Variants in NXN observed in about 807,000 individuals in gnomAD.
The protein encoded by NXN is nucleoredoxin 1.
NXN carries 16 observed loss-of-function variants against 48.6 expected under a neutral mutation model. The observed-to-expected ratio is 0.33, with a 90% CI of 0.22 to 0.50. The LOEUF is 0.50. Among genes scored for constraint, NXN ranks in the 20% least tolerant of loss-of-function variants. The pLI, the probability that NXN is intolerant of heterozygous loss-of-function variation, is 0.98. For synonymous variants in NXN, 281 were observed against 269.6 expected, an observed-to-expected ratio of 1.04 and a Z score of -0.41; for missense variants, 492 against 605.5, an observed-to-expected ratio of 0.81 and a Z score of 1.97.
intron 1 of NXN, among the ~76,000 whole-genome samples, chr17:916,973 C>A (rs1292018683): frequency 6.6e-6 from 1 of 152,206 alleles, no homozygotes; most frequent in African/African-American, 2.4e-5. Flanking sequence ...ATTTTCAAAC[C>A]ACCTTGAAGG....
At chr17:839,812 A>AAAAAAAAAAAAAAAAAAAAAAAAAAC in intron 1 of NXN, among the ~76,000 whole-genome samples, 1 of 143,110 alleles carries the variant, frequency 7.0e-6, no homozygotes, top group Non-Finnish European at 1.5e-5. Flanking sequence ...AAAAAAAAAA[A>AAAAAAAAAAAAAAAAAAAAAAAAAAC]AAGGCCAGGC....
chr17:926,884 A>C (rs2068805675), intron 1 of NXN, among the ~76,000 whole-genome samples: 1 of 152,158 alleles, frequency 6.6e-6, no homozygotes, highest in African/African-American at 2.4e-5. Flanking sequence ...GCTCTGGGTA[A>C]TGAAAGAGTC....
In NXN at chr17:822,459, T is replaced by C; in HGVS notation, c.613-2A>G. On this transcript the variant is annotated splice_acceptor_variant, in intron 3 of 7. Coordinates refer to ENST00000336868, the MANE Select transcript of NXN (RefSeq NM_022463.5). LOFTEE classifies it high-confidence loss of function. ...GGTGAGGCTTCGGCAGGGCGGACAC[T>C]GAAAGACAGGACAGCAAGACCCGCT... The C allele has an allele frequency of 6.2e-7, 1 of 1,611,946 alleles. No individual in the cohort carries two copies. The highest frequency in any genetic ancestry group is 8.5e-7 in the Non-Finnish European group (1 of 1,178,212).
rs927568702 is a variant in NXN at position 932,508 on chromosome 17, G to C, written c.360+46811C>G. ...TGAGGCGGCGTTGGGTCCAGTCGTCGTCTCCTCAGCGAGTAAGGCAGCTTC... is the reference window on the plus strand; with the variant it reads ...TGAGGCGGCGTTGGGTCCAGTCGTCCTCTCCTCAGCGAGTAAGGCAGCTTC... On this transcript the variant is annotated intron_variant, in intron 1 of 7. Transcript: ENST00000336868. This position sits in a 1 kb window ranked among gnomAD's most constrained non-coding sequence, Gnocchi z 4.1. 4.6e-5 allele frequency among the ~76,000 whole-genome samples: 7 copies of C among 152,198 alleles called. No individual in the cohort carries two copies. The highest frequency in any genetic ancestry group is 2.0e-4 in the Admixed American group (3 of 15,274).
intron 1 of NXN, among the ~76,000 whole-genome samples, chr17:945,561 G>A (rs990301928): frequency 4.7e-5 from 7 of 150,336 alleles, no homozygotes; most frequent in African/African-American, 1.5e-4. Flanking sequence ...AACCCGGGAG[G>A]CAGAGCTTGC....
At chr17:931,738 G>A (rs1326094407) in intron 1 of NXN, among the ~76,000 whole-genome samples, 2 of 150,880 alleles carry the variant, frequency 1.3e-5, no homozygotes, top group Non-Finnish European at 2.9e-5. Context: ...GGGAGGCTGA[G>A]GCAGGAGAAT....
At chr17:939,344 C>CTTT (rs34838555) in intron 1 of NXN, among the ~76,000 whole-genome samples, 3 of 127,958 alleles carry the variant, frequency 2.3e-5, no homozygotes, top group African/African-American at 8.8e-5. Context: ...TAGAAATCAG[C>CTTT]TTTTTTTTTT....
chr17:847,044 G>T (rs2067871037), intron 1 of NXN, among the ~76,000 whole-genome samples: 1 of 152,112 alleles, frequency 6.6e-6, no homozygotes, highest in Non-Finnish European at 1.5e-5. Flanking sequence ...TTCCAAGTCG[G>T]CAGGGTGAGC....
intron 1 of NXN, among the ~76,000 whole-genome samples, chr17:841,848 T>G (rs1276090667): frequency 6.6e-6 from 1 of 152,102 alleles, no homozygotes; most frequent in Non-Finnish European, 1.5e-5. Flanking sequence ...CAATTACACC[T>G]GCTCTAGGTG....
intron 6 of NXN, 186 bp from the exon 7 acceptor site, chr17:803,992 C>G (rs931917942): frequency 1.4e-6 from 1 of 695,486 alleles, no homozygotes; most frequent in African/African-American, 1.8e-5. Context: ...CACATGCGTC[C>G]CAGCAGCAAA....
At chr17:894,692 G>A (rs2068457126) in intron 1 of NXN, among the ~76,000 whole-genome samples, 1 of 152,248 alleles carries the variant, frequency 6.6e-6, no homozygotes, top group African/African-American at 2.4e-5. Context: ...AGAACCTGGG[G>A]GTCCTGCCGG....
chr17:843,753 G>A (rs2067827315), intron 1 of NXN, among the ~76,000 whole-genome samples: 1 of 152,180 alleles, frequency 6.6e-6, no homozygotes, highest in African/African-American at 2.4e-5. Context: ...GATGTGCCAC[G>A]CTCACTCTGA....
rs369315890 is a variant in NXN at position 819,562 on chromosome 17, G to C, written c.714-17C>G. ...TCCTCCGACCTACAGAGAGACACAC[G>C]TGGCGGGCAAGGCTCAGTATCCCCA... On this transcript the variant is annotated splice_polypyrimidine_tract_variant and intron_variant, in intron 4 of 7. Transcript: ENST00000336868. The C allele has an allele frequency of 4.7e-5, 73 of 1,556,314 alleles. No individual in the cohort carries two copies. The African/African-American group carries it at 9.1e-4, about 19-fold the overall frequency.
At chr17:897,035 C>T (rs1281672209) in intron 1 of NXN, 2 of 1,088,876 alleles carry the variant, frequency 1.8e-6, no homozygotes, top group Non-Finnish European at 2.3e-6. Flanking sequence ...GCGTGCCTAA[C>T]AACAGCGTCA....
At chr17:874,058 G>A (rs757496343) in intron 1 of NXN, among the ~76,000 whole-genome samples, 1 of 126,214 alleles carries the variant, frequency 7.9e-6, no homozygotes, top group Non-Finnish European at 1.8e-5. Context: ...GGGACCTGGT[G>A]GATGGTCATT....
chr17:918,703 G>A (rs1359622912), intron 1 of NXN, among the ~76,000 whole-genome samples: 1 of 148,978 alleles, frequency 6.7e-6, no homozygotes, highest in African/African-American at 2.5e-5. Context: ...TGAGGCACGA[G>A]AATCGCTTGC....
intron 1 of NXN, among the ~76,000 whole-genome samples, chr17:864,904 G>A (rs572744542): frequency 1.1e-4 from 17 of 152,286 alleles, no homozygotes; most frequent in Admixed American, 4.6e-4. Flanking sequence ...ATTCAACACG[G>A]ATGAAAAGAT....
At chr17:909,937 G>C (rs1423826062) in intron 1 of NXN, 1 of 152,202 alleles carries the variant, frequency 6.6e-6, no homozygotes, top group Non-Finnish European at 1.5e-5. Flanking sequence ...ACGCTGGTGA[G>C]TGATATCGCC....
At chr17:886,629 T>C (rs1272839751) in intron 1 of NXN, among the ~76,000 whole-genome samples, 1 of 152,040 alleles carries the variant, frequency 6.6e-6, no homozygotes, top group Non-Finnish European at 1.5e-5. Flanking sequence ...ATACAAAAAA[T>C]TAGCCGGGCG....
Sources: allele counts gnomAD v4.1 joint callset (sites outside exome capture counted in the v4.1 genomes callset), GRCh38; gene constraint gnomAD v4.1.1; non-coding constraint Gnocchi (gnomAD v3.1); transcripts MANE v1.5; gene names NCBI Gene and HGNC (gene_info 2026-07-23, HGNC 2026-07-21).